Variants in ZNF761 observed in about 807,000 individuals in gnomAD.
ZNF761 encodes the protein zinc finger protein 761.
ZNF761 carries 43 observed loss-of-function variants against 59.9 expected under a neutral mutation model. The observed-to-expected ratio is 0.72, with a 90% CI of 0.56 to 0.92. The LOEUF is 0.92. Ranked by LOEUF, ZNF761 falls within the 40% of genes least tolerant of loss-of-function variation. The probability of loss-of-function intolerance (pLI) is 0.00; values close to 1 mark genes in which losing one functional copy is unlikely to be tolerated. For synonymous variants in ZNF761, 294 were observed against 304.8 expected, an observed-to-expected ratio of 0.96 and a Z score of 0.37; for missense variants, 850 against 906.1, an observed-to-expected ratio of 0.94 and a Z score of 0.79.
At chr19:53,445,890 A>C (rs541244783) in intron 1 of ZNF761, among the ~76,000 whole-genome samples, 1 of 152,258 alleles carries the variant, frequency 6.6e-6, no homozygotes, top group African/African-American at 2.4e-5. Flanking sequence ...CTGTGGCTCC[A>C]CAGCCCTGTG....
chr19:53,454,802 T>C lies in ZNF761; in HGVS notation c.295T>C (p.Phe99Leu). Reference sequence around the variant, plus strand: ...TGATAAAGATATTCATGACTATGAATTTCAATGGCAAGAAGATGAAAGAAA... The same window carrying C: ...TGATAAAGATATTCATGACTATGAACTTCAATGGCAAGAAGATGAAAGAAA... ...DVDKDIHDYE[F>L]QWQEDERNGH... Residue 99 changes from phenylalanine (F) to leucine (L), a missense_variant, in exon 5 of 5, where the codon TTT (phenylalanine) becomes CTT (leucine). Phe to Leu is a conservative substitution (Grantham distance 22). Transcript: ENST00000684525. The C allele has an allele frequency of 6.2e-7, 1 of 1,614,114 alleles. No homozygotes were observed. Among genetic ancestry groups the C allele is most frequent in the Non-Finnish European group, 8.5e-7 (1 of 1,180,024 alleles).
At chr19:53,440,742 C>T (rs2086090494) in intron 1 of ZNF761, among the ~76,000 whole-genome samples, 1 of 152,144 alleles carries the variant, frequency 6.6e-6, no homozygotes, top group Non-Finnish European at 1.5e-5. Context: ...GCAGCATGAT[C>T]TCTTCTAACT....
chr19:53,456,908 A>C lies in ZNF761; in HGVS notation c.*160A>C. On this transcript the variant is annotated 3_prime_UTR_variant, in exon 5 of 5. Transcript: ENST00000684525. ...ATTCATACTGGAGAGAAAGCTTATA[A>C]ATGTGAAGAATGTCACAAAGTTTAC... The C allele has an allele frequency of 3.5e-6, 3 of 862,756 alleles. No individual in the cohort carries two copies. The highest frequency in any genetic ancestry group is 3.7e-6 in the Non-Finnish European group (2 of 546,324). The allele number at this position is 862,756 out of a possible 1,614,324, so 53.4% of individuals were successfully genotyped here. A position where few individuals can be genotyped will look rare whatever the true frequency, so the allele number is the denominator to read the frequency against.
chr19:53,433,704 G>A (rs1427073073), intron 1 of ZNF761, among the ~76,000 whole-genome samples: 1 of 152,128 alleles, frequency 6.6e-6, no homozygotes, highest in Non-Finnish European at 1.5e-5. Context: ...TAGTCTGCCT[G>A]GTCGCAATTG....
chr19:53,432,812 G>A (rs1319512280), intron 1 of ZNF761, among the ~76,000 whole-genome samples: 1 of 152,034 alleles, frequency 6.6e-6, no homozygotes, highest in Non-Finnish European at 1.5e-5. Context: ...TAAGAAAGCA[G>A]GAGGAGAAAA....
chr19:53,432,503 C>T (rs760140672), intron 1 of ZNF761, among the ~76,000 whole-genome samples: 1 of 152,108 alleles, frequency 6.6e-6, no homozygotes, highest in Admixed American at 6.5e-5. Context: ...CCACGGGTTT[C>T]GCCTCCACAA....
intron 1 of ZNF761, among the ~76,000 whole-genome samples, chr19:53,445,702 T>A (rs2617745): frequency 0.36 from 55,090 of 151,594 alleles, 10,968 homozygotes; most frequent in African/African-American, 0.52. Flanking sequence ...AAAAATTTTT[T>A]AAAAAAACGT....
At chr19:53,440,859 T>C (rs4803119) in intron 1 of ZNF761, among the ~76,000 whole-genome samples, 104,038 of 151,534 alleles carry the variant, frequency 0.69, 36,121 homozygotes, top group South Asian at 0.76. Context: ...ACATTTTTGG[T>C]AGAAACGCGT....
chr19:53,447,732 A>G (rs1479495257), intron 3 of ZNF761, among the ~76,000 whole-genome samples: 2 of 152,202 alleles, frequency 1.3e-5, no homozygotes, highest in African/African-American at 2.4e-5. Context: ...ATTTTATAAT[A>G]CATTTTTAGT....
intron 1 of ZNF761, among the ~76,000 whole-genome samples, chr19:53,433,040 G>A (rs74713509): frequency 0.17 from 8,767 of 51,686 alleles, 193 homozygotes; most frequent in Middle Eastern, 0.26. Flanking sequence ...TAGAGAGTGG[G>A]GACAGGGGGG....
chr19:53,450,462 G>A lies in ZNF761; in HGVS notation c.142+824G>A, dbSNP rs183551893. ...ACTTACAGTGGAAGTATTACTGATG[G>A]AGAAGACCTTACCCTTGTGATTTTG... On this transcript the variant is annotated intron_variant, in intron 4 of 4. Coordinates refer to ENST00000684525, the MANE Select transcript of ZNF761 (RefSeq NM_001289951.2). 2.0e-5 allele frequency: 3 copies of A among 152,330 alleles called. No individual in the cohort carries two copies. In the East Asian group the frequency reaches 5.8e-4, roughly 29 times the overall value. The allele number at this position is 152,330 out of a possible 1,614,324, so 9.4% of individuals were successfully genotyped here.
Position 53,454,934 on chromosome 19 carries a change from A to G in ZNF761, c.427A>G (p.Ser143Gly), listed in dbSNP as rs778924770. 1 of 1,614,198 alleles carries G rather than the reference A, an allele frequency of 6.2e-7. No individual in the cohort carries two copies. Among genetic ancestry groups the G allele is most frequent in the East Asian group, 2.2e-5 (1 of 44,876 alleles). The change falls in exon 5 of 5, where the codon AGC becomes GGC. Residue 143 changes from serine to glycine, a missense_variant. Transcript: ENST00000684525. ...GCCTATTAAAGATCAGCTTGGATCA[A>G]GCTTTCATTCGCATCTGCCTGAAAT... Reference protein sequence around the residue: ...NKPIKDQLGSSFHSHLPEMHI... With the variant: ...NKPIKDQLGSGFHSHLPEMHI...
chr19:53,454,879 A>G lies in ZNF761; in HGVS notation c.372A>G (p.Glu124=). 6.2e-7 allele frequency: 1 copy of G among 1,614,196 alleles called. No homozygotes were observed. Among genetic ancestry groups the G allele is most frequent in the Non-Finnish European group, 8.5e-7 (1 of 1,180,026 alleles). Residue 124 remains glutamate (E), a synonymous_variant, in exon 5 of 5, where the codon GAA becomes GAG. Transcript: ENST00000684525. ...TCAAAAAGTTGACAGGTATTACAGA[A>G]CGATATGATCAAAGTCATGCTAGAA... is the stretch of plus-strand genomic sequence containing the variant. ...TKIKKLTGIT[E]RYDQSHARNK... is the part of the protein sequence containing the mutation.
rs2086276830 is a variant in ZNF761, at chr19:53,456,776, A to G, written c.*28A>G. On this transcript the variant is annotated 3_prime_UTR_variant, in exon 5 of 5. Transcript: ENST00000684525. ...AATGTGGTGAGGTTTTTAATCAACA[A>G]GCACACCTTGCAGGTCATCATAGAA... 3.1e-6 allele frequency: 5 copies of G among 1,607,536 alleles called. No homozygotes were observed. Among genetic ancestry groups the G allele is most frequent in the African/African-American group, 1.3e-5 (1 of 74,802 alleles).
Position 53,457,979 on chromosome 19 carries a change from A to C in ZNF761, c.*1231A>C, listed in dbSNP as rs920627359. 2.6e-5 allele frequency: 4 copies of C among 152,466 alleles called. No homozygotes were observed. The highest frequency in any genetic ancestry group is 9.6e-5 in the African/African-American group (4 of 41,456). The allele number at this position is 152,466 out of a possible 1,614,324, so 9.4% of individuals were successfully genotyped here. On this transcript the variant is annotated 3_prime_UTR_variant, in exon 5 of 5. Transcript: ENST00000684525. ...CTCAATGTTTTTAATCATTTTGATCAATGTTTGTAGATTTCAAGGTACAAA... is the reference window on the plus strand; with the variant it reads ...CTCAATGTTTTTAATCATTTTGATCCATGTTTGTAGATTTCAAGGTACAAA...
At chr19:53,451,664 C>T (rs1026482936) in intron 4 of ZNF761, among the ~76,000 whole-genome samples, 1 of 151,898 alleles carries the variant, frequency 6.6e-6, no homozygotes, top group Non-Finnish European at 1.5e-5. Flanking sequence ...CTAACTGCAA[C>T]CTCTCCCTCC....
intron 3 of ZNF761, 134 bp downstream of exon 3, chr19:53,447,417 A>G: frequency 3.2e-6 from 4 of 1,264,396 alleles, no homozygotes; most frequent in Non-Finnish European, 4.6e-6. Flanking sequence ...GCCTTCCCTC[A>G]GTCCCTCTTA....
At position 53,455,032 on chromosome 19, in the gene ZNF761, A is replaced by C. The variant is rs1394845668; in HGVS notation, c.525A>C (p.Ser175=). ...VKSVHDASLV[S]TAQRISCRPK... ...CTGTCCACGATGCTTCCTTGGTTTC[A>C]ACAGCCCAAAGAATTTCTTGTAGGC... Residue 175 remains serine, a synonymous_variant, in exon 5 of 5, where the codon TCA becomes TCC. Coordinates refer to ENST00000684525, the MANE Select transcript of ZNF761 (RefSeq NM_001289951.2). 1 of 1,614,208 alleles carries C rather than the reference A, an allele frequency of 6.2e-7. No homozygotes were observed. Among genetic ancestry groups the C allele is most frequent in the Non-Finnish European group, 8.5e-7 (1 of 1,180,032 alleles).
At position 53,449,815 on chromosome 19, in the gene ZNF761, C is replaced by G. The variant is rs111490804; in HGVS notation, c.142+177C>G. The G allele has an allele frequency of 6.3e-3, 8,883 of 1,409,576 alleles. 467 individuals carry two copies. The African/African-American group carries it at 0.11, about 18-fold the overall frequency. 87.3% of individuals were successfully genotyped at this position (1,409,576 alleles called of 1,614,324 possible). On this transcript the variant is annotated intron_variant, in intron 4 of 4. Transcript: ENST00000684525. ...GTGATTGTCCCACCTCAGCCTCCCC[C>G]GGTAGCTGGTACAGGTGCATGCCAC... is the stretch of plus-strand genomic sequence containing the variant.
Sources: allele counts gnomAD v4.1 joint callset (sites outside exome capture counted in the v4.1 genomes callset), GRCh38; gene constraint gnomAD v4.1.1; transcripts MANE v1.5; gene names NCBI Gene and HGNC (gene_info 2026-07-23, HGNC 2026-07-21).